CABYR: variants seen among roughly 807,000 people sequenced by gnomAD.
CABYR encodes the protein calcium binding tyrosine phosphorylation regulated.
Under a neutral mutation model 36.1 loss-of-function variants are expected in CABYR, and 31 were observed. The observed-to-expected ratio is 0.86, with a 90% CI of 0.64 to 1.16. The LOEUF is 1.16. Among genes scored for constraint, CABYR ranks in the 50% most tolerant of loss-of-function variants. CABYR has a pLI of 0.00. For missense variants in CABYR, 429 were observed against 455.8 expected, an observed-to-expected ratio of 0.94 and a Z score of 0.53; for synonymous variants, 146 against 160.7, an observed-to-expected ratio of 0.91 and a Z score of 0.69.
intron 4 of CABYR, 65 bp from the exon 5 acceptor site, chr18:24,159,406 CA>C: frequency 9.5e-7 from 1 of 1,054,366 alleles, no homozygotes; most frequent in Non-Finnish European, 1.4e-6. Flanking sequence ...CTTACAAAGA[CA>C]TTACTATGCA....
chr18:24,155,131 A>T (rs2085743568), intron 3 of CABYR, among the ~76,000 whole-genome samples: 1 of 152,208 alleles, frequency 6.6e-6, no homozygotes, highest in South Asian at 2.1e-4. Context: ...CTATACCAAC[A>T]AAGATGAAAT....
rs772646073 is a variant in CABYR at position 24,160,077 on chromosome 18, C to T, written c.1139+8C>T. 9.6e-6 allele frequency: 15 copies of T among 1,566,594 alleles called. No individual in the cohort carries two copies. Among genetic ancestry groups the T allele is most frequent in the South Asian group, 2.3e-5 (2 of 88,316 alleles). On this transcript the variant is annotated splice_region_variant and intron_variant, in intron 5 of 5. Coordinates refer to ENST00000399496, the MANE Select transcript of CABYR (RefSeq NM_153769.3). ...AGCAGAAACTGAAAACTGGTAGGTA[C>T]ACTTTCCTACCATAATATTTAGGCC...
In CABYR at chr18:24,159,486, G is replaced by C. The variant is rs773927264; in HGVS notation, c.556G>C (p.Glu186Gln). The stretch of plus-strand genomic sequence containing the variant: ...TTTTTTTATAGCAATGGCAACAAGT[G>C]AACGAGGACAACCACCACCATGTTC... ...AAQMLAMATS[E>Q]RGQPPPCSNM... The change falls in exon 5 of 6, where the codon GAA (glutamate) becomes CAA (glutamine). Residue 186 changes from glutamate to glutamine, a missense_variant. Glu to Gln is a conservative substitution (Grantham distance 29). Coordinates refer to ENST00000399496, the MANE Select transcript of CABYR (RefSeq NM_153769.3). The C allele has an allele frequency of 6.2e-7, 1 of 1,612,160 alleles. No homozygotes were observed. Among genetic ancestry groups the C allele is most frequent in the South Asian group, 1.1e-5 (1 of 90,746 alleles).
At chr18:24,150,575 G>T in intron 3 of CABYR, 3 of 984,388 alleles carry the variant, frequency 3.0e-6, no homozygotes, top group Non-Finnish European at 3.6e-6. Context: ...AGAAAGAATG[G>T]ATGGAAGGGC....
intron 1 of CABYR, among the ~76,000 whole-genome samples, chr18:24,140,738 T>A (rs2085299914): frequency 2.7e-5 from 4 of 150,848 alleles, no homozygotes. Context: ...TCCTTCTCTA[T>A]GTCCGTGGGT....
intron 1 of CABYR, among the ~76,000 whole-genome samples, chr18:24,142,471 A>G (rs562889507): frequency 6.6e-6 from 1 of 152,338 alleles, no homozygotes; most frequent in East Asian, 1.9e-4. Flanking sequence ...AGAAACAGAT[A>G]CATGAAATGT....
At chr18:24,156,172 T>G (rs2085778942) in intron 4 of CABYR, 130 bp downstream of exon 4, 2 of 1,614,172 alleles carry the variant, frequency 1.2e-6, no homozygotes, top group Non-Finnish European at 1.7e-6. Context: ...GCTGCTCCTC[T>G]TGTGTGTTCT....
intron 3 of CABYR, among the ~76,000 whole-genome samples, chr18:24,149,837 C>T (rs1435346128): frequency 1.3e-5 from 2 of 152,226 alleles, no homozygotes; most frequent in African/African-American, 2.4e-5. Context: ...AGGGCCGGCC[C>T]GCTGCTCGGA....
chr18:24,150,673 C>A, intron 3 of CABYR: 1 of 594,560 alleles, frequency 1.7e-6, no homozygotes. Context: ...TAGTTGGAAT[C>A]TTTTGTTTTA....
intron 3 of CABYR, among the ~76,000 whole-genome samples, chr18:24,145,299 C>T (rs1276027504): frequency 6.6e-6 from 1 of 152,114 alleles, no homozygotes; most frequent in Non-Finnish European, 1.5e-5. Flanking sequence ...TTGGACTTAT[C>T]CTCCTATCAT....
intron 5 of CABYR, 107 bp downstream of exon 5, chr18:24,160,176 A>ATAAG: frequency 4.7e-6 from 4 of 847,708 alleles, no homozygotes; most frequent in East Asian, 2.4e-5. Flanking sequence ...ATTTGAGATA[A>ATAAG]TAAGTTGGGG....
rs971323497 is a variant in CABYR at position 24,149,328 on chromosome 18, T to C, written c.199+5915T>C. 3.6e-4 allele frequency among the ~76,000 whole-genome samples: 54 copies of C among 151,708 alleles called. 1 individual carries two copies. Among genetic ancestry groups the C allele is most frequent in the Middle Eastern group, 3.2e-3 (1 of 316 alleles). ...ACCAGAGTATCTAGATACAGAGTGT[T>C]GATTGGTGCATTCACAGACCCTGAG... On this transcript the variant is annotated intron_variant, in intron 3 of 5. Coordinates refer to ENST00000399496, the MANE Select transcript of CABYR (RefSeq NM_153769.3).
At chr18:24,149,643 C>T (rs1314256872) in intron 3 of CABYR, among the ~76,000 whole-genome samples, 1 of 152,218 alleles carries the variant, frequency 6.6e-6, no homozygotes, top group African/African-American at 2.4e-5. Flanking sequence ...CACAGGAGTC[C>T]ACGGAGTGGG....
chr18:24,147,280 G>A (rs1020775276), intron 3 of CABYR, among the ~76,000 whole-genome samples: 8 of 136,020 alleles, frequency 5.9e-5, no homozygotes, highest in African/African-American at 2.2e-4. Context: ...AAAGCCTATA[G>A]GCAAGTGAGG....
Position 24,143,230 on chromosome 18 carries a change from CTTA to C in CABYR, c.119_121del (p.Tyr40del). On this transcript the variant is annotated inframe_deletion, in exon 2 of 6. Transcript: ENST00000399496. Reference sequence around the variant, plus strand: ...TCAAACATCAACCAGTTTGCAGCAGCTTATTTTCAAGAACTTACTATGTATAGA... The same window carrying C: ...TCAAACATCAACCAGTTTGCAGCAGCTTTTCAAGAACTTACTATGTATAGA... 6.2e-7 allele frequency: 1 copy of C among 1,613,642 alleles called. No homozygotes were observed. Among genetic ancestry groups the C allele is most frequent in the Non-Finnish European group, 8.5e-7 (1 of 1,179,868 alleles).
chr18:24,154,253 T>C (rs1486544687), intron 3 of CABYR, among the ~76,000 whole-genome samples: 1 of 152,186 alleles, frequency 6.6e-6, no homozygotes, highest in African/African-American at 2.4e-5. Flanking sequence ...CTCGTCTTAA[T>C]AGTCTTTCTA....
rs550455185 is a variant in CABYR at position 24,144,204 on chromosome 18, T to A, written c.199+791T>A. On this transcript the variant is annotated intron_variant, in intron 3 of 5. Coordinates refer to ENST00000399496, the MANE Select transcript of CABYR (RefSeq NM_153769.3). ...TGAGCCACTGTGCCCAACTGCTGTG[T>A]ATGGTTATTAGTGAGTCTTGATATT... 2.0e-5 allele frequency among the ~76,000 whole-genome samples: 3 copies of A among 152,230 alleles called. No homozygotes were observed. The South Asian group carries it at 6.2e-4, about 32-fold the overall frequency.
chr18:24,143,710 A>T (rs1290371394), intron 3 of CABYR, among the ~76,000 whole-genome samples: 1 of 151,846 alleles, frequency 6.6e-6, no homozygotes, highest in Non-Finnish European at 1.5e-5. Context: ...TTTTTTATAA[A>T]TTTTTGATAG....
rs151257299 is a variant in CABYR at position 24,161,188 on chromosome 18, T to G, written c.*-328T>G. 7.4e-3 allele frequency among the ~76,000 whole-genome samples: 1,120 copies of G among 152,310 alleles called. 6 individuals carry two copies. Among genetic ancestry groups the G allele is most frequent in the South Asian group, 0.037 (178 of 4,834 alleles). On this transcript the variant is annotated intron_variant, in intron 5 of 5. Transcript: ENST00000399496. ...AAAATAATTAGTGGGAATTTTAAGT[T>G]GAGCATCTGAGAGATCGACAAAAGC...
Sources: gnomAD v4.1 joint callset for allele counts (sites outside exome capture counted in the v4.1 genomes callset) on GRCh38, gnomAD v4.1.1 for gene constraint, MANE v1.5 for transcripts, NCBI Gene and HGNC (gene_info 2026-07-23, HGNC 2026-07-21) for gene names.